Variants in CA10 observed in about 807,000 individuals in gnomAD.
CA10 encodes the protein carbonic anhydrase 10 (inactive).
Under a neutral mutation model 44.2 loss-of-function variants are expected in CA10, and 14 were observed. The observed-to-expected ratio is 0.32, with a 90% CI of 0.21 to 0.50. CA10 has a LOEUF of 0.50. Among genes scored for constraint, CA10 ranks in the 20% least tolerant of loss-of-function variants. CA10 has a pLI of 0.99. For missense variants in CA10, 350 were observed against 409.7 expected, an observed-to-expected ratio of 0.85 and a Z score of 1.26; for synonymous variants, 159 against 141.6, an observed-to-expected ratio of 1.12 and a Z score of -0.87.
chr17:52,103,392 A>G (rs939724307), intron 1 of CA10, among the ~76,000 whole-genome samples: 10 of 152,206 alleles, frequency 6.6e-5, no homozygotes, highest in African/African-American at 2.2e-4. Flanking sequence ...AAGGCCAGAG[A>G]GGCAAGTTTG....
intron 1 of CA10, among the ~76,000 whole-genome samples, chr17:52,077,412 A>G (rs560536781): frequency 1.3e-5 from 2 of 152,270 alleles, no homozygotes; most frequent in African/African-American, 4.8e-5. Context: ...TTAGGCTTTG[A>G]AGCCCATACT....
At chr17:51,809,436 G>T (rs1907270239) in intron 3 of CA10, among the ~76,000 whole-genome samples, 1 of 152,162 alleles carries the variant, frequency 6.6e-6, no homozygotes, top group South Asian at 2.1e-4. Flanking sequence ...CCACAGAAGA[G>T]ATGCAAAAAA....
chr17:51,850,290 T>C (rs865994678), intron 3 of CA10, among the ~76,000 whole-genome samples: 37 of 152,288 alleles, frequency 2.4e-4, no homozygotes, highest in Middle Eastern at 3.4e-3. Context: ...GTATATAAAG[T>C]AGAGGAACAC....
At position 52,158,528 on chromosome 17, in the gene CA10, A is replaced by C. The variant is rs1989868866; in HGVS notation, c.-742T>G. ...TGCAGCCTCTCAGCCGGGTTCCGGC[A>C]GTGCGTCCAGGGCGCCGAGGGGAAG... is the stretch of plus-strand genomic sequence containing the variant. On this transcript the variant is annotated 5_prime_UTR_variant, in exon 1 of 9. Transcript: ENST00000451037. 6.5e-6 allele frequency: 1 copy of C among 154,054 alleles called. No individual in the cohort carries two copies. Among genetic ancestry groups the C allele is most frequent in the African/African-American group, 2.4e-5 (1 of 41,452 alleles). The allele number at this position is 154,054 out of a possible 1,614,324, so 9.5% of individuals were successfully genotyped here.
chr17:51,733,998 A>C (rs4794301), intron 4 of CA10, among the ~76,000 whole-genome samples: 98,885 of 151,796 alleles, frequency 0.65, 32,429 homozygotes, highest in East Asian at 0.73. Context: ...TGTGTGTGTG[A>C]AAGCTACTAG....
chr17:52,114,717 C>T (rs1988854992), intron 1 of CA10, among the ~76,000 whole-genome samples: 1 of 152,116 alleles, frequency 6.6e-6, no homozygotes, highest in Non-Finnish European at 1.5e-5. Flanking sequence ...TGGTAGTCTT[C>T]TTTCTGGCCT....
intron 2 of CA10, among the ~76,000 whole-genome samples, chr17:52,065,844 A>G (rs1987522380): frequency 6.6e-6 from 1 of 152,176 alleles, no homozygotes; most frequent in East Asian, 1.9e-4. Flanking sequence ...CTTGAATTGT[A>G]GTTCACATAA....
intron 4 of CA10, among the ~76,000 whole-genome samples, chr17:51,740,636 C>A (rs905283448): frequency 6.6e-6 from 1 of 152,202 alleles, no homozygotes; most frequent in East Asian, 1.9e-4. Flanking sequence ...AGAGGACCCA[C>A]GTGGTCTGCA....
chr17:51,851,949 G>T (rs958921656), intron 3 of CA10, among the ~76,000 whole-genome samples: 3 of 152,110 alleles, frequency 2.0e-5, no homozygotes, highest in Non-Finnish European at 4.4e-5. Flanking sequence ...TATTTTGAAA[G>T]AAATTAGGAA....
At chr17:51,898,836 T>A (rs1023279176) in intron 3 of CA10, among the ~76,000 whole-genome samples, 1 of 152,066 alleles carries the variant, frequency 6.6e-6, no homozygotes, top group African/African-American at 2.4e-5. Flanking sequence ...TATGTGTGCA[T>A]AGAGGTATTC....
intron 4 of CA10, among the ~76,000 whole-genome samples, chr17:51,664,007 G>A (rs1437633635): frequency 6.6e-6 from 1 of 152,130 alleles, no homozygotes; most frequent in East Asian, 1.9e-4. Flanking sequence ...TTTTAGGATT[G>A]TTGCTATTTC....
At position 51,837,132 on chromosome 17, in the gene CA10, C is replaced by T. The variant is rs547064836; in HGVS notation, c.280-89314G>A. 2.1e-3 allele frequency among the ~76,000 whole-genome samples: 320 copies of T among 151,772 alleles called. 3 individuals are homozygous for T. The highest frequency in any genetic ancestry group is 3.4e-3 in the Middle Eastern group (1 of 292). ...CACACATGCACACACATACACACAACTTGGGAAGGTCAGTGAAAAGATTGA... is the reference window on the plus strand; with the variant it reads ...CACACATGCACACACATACACACAATTTGGGAAGGTCAGTGAAAAGATTGA... On this transcript the variant is annotated intron_variant, in intron 3 of 8. Transcript: ENST00000451037.
chr17:52,036,901 T>A (rs144227261), intron 2 of CA10, among the ~76,000 whole-genome samples: 1 of 152,254 alleles, frequency 6.6e-6, no homozygotes, highest in East Asian at 1.9e-4. Context: ...AACTAAAGTA[T>A]GAGGTGCAGG....
chr17:51,642,677 C>T (rs1318017065), intron 6 of CA10, among the ~76,000 whole-genome samples: 1 of 152,024 alleles, frequency 6.6e-6, no homozygotes, highest in Non-Finnish European at 1.5e-5. Context: ...GAGTCTTGCT[C>T]TGTCGCCCAG....
chr17:51,937,956 C>A (rs1190044392), intron 2 of CA10, among the ~76,000 whole-genome samples: 1 of 152,202 alleles, frequency 6.6e-6, no homozygotes, highest in East Asian at 1.9e-4. Flanking sequence ...CTAGTCCTAA[C>A]AACTAAGATG....
intron 3 of CA10, among the ~76,000 whole-genome samples, chr17:51,873,695 G>T (rs1489668494): frequency 6.6e-6 from 1 of 152,230 alleles, no homozygotes. Flanking sequence ...AGGCAATTGT[G>T]CTGGCTGGGG....
intron 2 of CA10, among the ~76,000 whole-genome samples, chr17:52,007,868 A>G (rs976200957): frequency 6.6e-6 from 1 of 151,592 alleles, no homozygotes; most frequent in African/African-American, 2.4e-5. Flanking sequence ...AAGACATTTT[A>G]TAATAGCTAC....
intron 4 of CA10, among the ~76,000 whole-genome samples, chr17:51,736,700 A>T (rs1438583436): frequency 6.6e-6 from 1 of 152,210 alleles, no homozygotes; most frequent in African/African-American, 2.4e-5. Context: ...TGCTTTGCAG[A>T]GGCAAACAGA....
At chr17:51,702,580 CCA>C (rs1302488952) in intron 4 of CA10, among the ~76,000 whole-genome samples, 4 of 152,200 alleles carry the variant, frequency 2.6e-5, no homozygotes, top group Admixed American at 1.3e-4. Flanking sequence ...CACCTGGACC[CCA>C]GACTCCCTCT....
Sources: allele counts gnomAD v4.1 joint callset (sites outside exome capture counted in the v4.1 genomes callset), GRCh38; gene constraint gnomAD v4.1.1; transcripts MANE v1.5; gene names NCBI Gene and HGNC (gene_info 2026-07-23, HGNC 2026-07-21).